The following UGGT2 variants were observed in gnomAD, a reference collection of about 807,000 sequenced individuals.
The protein encoded by UGGT2 is UDP-glucose glycoprotein glucosyltransferase 2.
In UGGT2, 180 loss-of-function variants were observed where a neutral mutation model predicts 192.1. That is an observed-to-expected ratio of 0.94 (90% confidence interval 0.83 to 1.06). The LOEUF is 1.06. Ranked by LOEUF, UGGT2 falls within the 50% of genes least tolerant of loss-of-function variation. The pLI is 0.00. For synonymous variants in UGGT2, 580 were observed against 591.0 expected (o/e 0.98, Z 0.27); for missense variants, 1,849 against 1,795.7 (o/e 1.03, Z -0.54).
At chr13:95,836,650 T>C (rs913267656) in intron 37 of UGGT2, among the ~76,000 whole-genome samples, 5 of 152,202 alleles carry the variant, frequency 3.3e-5, no homozygotes, top group Non-Finnish European at 5.9e-5. Context: ...ACACTGGGGT[T>C]TCTAATAAAT....
chr13:95,846,498 A>G (rs1237959207), intron 36 of UGGT2, among the ~76,000 whole-genome samples: 1 of 152,066 alleles, frequency 6.6e-6, no homozygotes, highest in Non-Finnish European at 1.5e-5. Context: ...TTTGTTAACA[A>G]TTTTTACAAC....
At chr13:95,998,845 T>C (rs1411726248) in intron 6 of UGGT2, among the ~76,000 whole-genome samples, 1 of 152,128 alleles carries the variant, frequency 6.6e-6, no homozygotes. Flanking sequence ...AAAACTTCCT[T>C]ACATGGGCGA....
chr13:95,832,429 A>C (rs752865358), intron 38 of UGGT2, among the ~76,000 whole-genome samples: 16 of 152,164 alleles, frequency 1.1e-4, no homozygotes, highest in Non-Finnish European at 2.1e-4. Flanking sequence ...TCATAAAAGG[A>C]ATTGAAGCAA....
rs1261088371 is a variant in UGGT2 at position 95,859,653 on chromosome 13, G to A, written c.3763C>T (p.Arg1255Cys). Residue 1255 changes from arginine to cysteine, a missense_variant, in exon 33 of 39, where the codon CGT (arginine) becomes TGT (cysteine). Physicochemically the swap from Arg to Cys is radical, Grantham distance 180. Coordinates refer to ENST00000376747, the MANE Select transcript of UGGT2 (RefSeq NM_020121.4). Reference protein sequence around the residue: ...FLRIMMLSVLRNTKTPVKFWL... With the variant: ...FLRIMMLSVLCNTKTPVKFWL... ...AATTTCACTGGTGTTTTGGTGTTAC[G>A]CAAAACAGAAAGCATCATAATTCTG... 5.6e-6 allele frequency: 9 copies of A among 1,608,738 alleles called. No individual in the cohort carries two copies. Among genetic ancestry groups the A allele is most frequent in the Non-Finnish European group, 6.8e-6 (8 of 1,177,188 alleles).
At chr13:95,980,407 G>A (rs1434412972) in intron 10 of UGGT2, among the ~76,000 whole-genome samples, 2 of 151,930 alleles carry the variant, frequency 1.3e-5, no homozygotes, top group Admixed American at 6.6e-5. Flanking sequence ...AAGCTTTGAG[G>A]ATGCAAAGAC....
chr13:95,817,544 G>A (rs991142464), intron 38 of UGGT2, among the ~76,000 whole-genome samples: 8 of 152,090 alleles, frequency 5.3e-5, no homozygotes, highest in Non-Finnish European at 8.8e-5. Flanking sequence ...GATTGCCACT[G>A]CATTCCAGCT....
intron 1 of UGGT2, 90 bp from the exon 2 acceptor site, chr13:96,032,061 A>G: frequency 2.3e-6 from 2 of 854,160 alleles, no homozygotes; most frequent in Non-Finnish European, 3.6e-6. Context: ...AATTATATCT[A>G]TGGCAAAAAC....
chr13:95,970,205 C>A lies in UGGT2; in HGVS notation c.1242G>T (p.Gly414=), dbSNP rs778349705. The A allele has an allele frequency of 1.7e-5, 27 of 1,613,162 alleles. No individual in the cohort carries two copies. The South Asian group carries it at 2.7e-4, about 16-fold the overall frequency. ...ATTTGCTCATATCTTCCCCATTGATCCCAAGATTGCGAAGGCCATTCATCA... is the reference window on the plus strand; with the variant it reads ...ATTTGCTCATATCTTCCCCATTGATACCAAGATTGCGAAGGCCATTCATCA... ...GKMMNGLRNL[G]INGEDMSKFL... Residue 414 remains glycine, a synonymous_variant, in exon 12 of 39, where the codon GGG becomes GGT. Coordinates refer to ENST00000376747, the MANE Select transcript of UGGT2 (RefSeq NM_020121.4).
At chr13:95,848,798 C>T (rs1888728468) in intron 36 of UGGT2, among the ~76,000 whole-genome samples, 1 of 152,066 alleles carries the variant, frequency 6.6e-6, no homozygotes, top group African/African-American at 2.4e-5. Flanking sequence ...AGTAGGTTGA[C>T]AATCATAAAA....
intron 38 of UGGT2, chr13:95,809,258 G>A: frequency 1.7e-6 from 1 of 573,412 alleles, no homozygotes; most frequent in Non-Finnish European, 3.1e-6. Flanking sequence ...CCTCTGAATT[G>A]TACAAGAAGG....
chr13:96,000,825 A>C (rs2051775886), intron 5 of UGGT2, among the ~76,000 whole-genome samples: 1 of 152,012 alleles, frequency 6.6e-6, no homozygotes, highest in Non-Finnish European at 1.5e-5. Context: ...AGTTTTAGTA[A>C]GTTTGGATTT....
Position 95,996,071 on chromosome 13 carries a change from C to A in UGGT2, c.822G>T (p.Gly274=). The A allele has an allele frequency of 6.2e-7, 1 of 1,613,334 alleles. No individual in the cohort carries two copies. ...TTTCCATTCAGACTTACTTTAGTTT[C>A]CCAAAGAGAAATCCTTGAACTTCAT... ...ETNEVQGFLF[G]KLKEIYSDLR... Residue 274 remains glycine, a synonymous_variant, in exon 7 of 39, where the codon GGG becomes GGT. Transcript: ENST00000376747.
chr13:95,877,282 A>C lies in UGGT2; in HGVS notation c.3470T>G (p.Val1157Gly). 2.5e-6 allele frequency: 4 copies of C among 1,591,242 alleles called. No individual in the cohort carries two copies. The highest frequency in any genetic ancestry group is 3.4e-6 in the Non-Finnish European group (4 of 1,171,854). Residue 1157 changes from valine to glycine, a missense_variant, in exon 29 of 39, where the codon GTT becomes GGT. By Grantham distance (109) the Val-to-Gly change is moderately radical. Coordinates refer to ENST00000376747, the MANE Select transcript of UGGT2 (RefSeq NM_020121.4). Reference sequence around the variant, plus strand: ...AAAAGCAGCCTGCATAACTCACCCAACTATTTGATAAATATCTTCAGATTT... The same window carrying C: ...AAAAGCAGCCTGCATAACTCACCCACCTATTTGATAAATATCTTCAGATTT... ...QGKSEDIYQI[V>G]GHEGTDSQAD...
At chr13:95,808,439 C>A (rs1444243255) in intron 38 of UGGT2, among the ~76,000 whole-genome samples, 1 of 151,848 alleles carries the variant, frequency 6.6e-6, no homozygotes, top group East Asian at 1.9e-4. Flanking sequence ...AGGGAAATTT[C>A]ATCTTCATTA....
chr13:95,925,690 A>G lies in UGGT2; in HGVS notation c.2285T>C (p.Leu762Ser). ...TATCTAGGTACTCACCATGTGCTTTAATGCATTAAAAAGAAGTTTTCTCCC... is the reference window on the plus strand; with the variant it reads ...TATCTAGGTACTCACCATGTGCTTTGATGCATTAAAAAGAAGTTTTCTCCC... The part of the protein sequence containing the change: ...PSGRKLLFNA[L>S]KHMKTSVHSR... The change falls in exon 20 of 39, where the codon TTA becomes TCA. Residue 762 changes from leucine (L) to serine (S), a missense_variant. Leu to Ser is a moderately radical substitution (Grantham distance 145). Coordinates refer to ENST00000376747, the MANE Select transcript of UGGT2 (RefSeq NM_020121.4). 1 of 1,556,802 alleles carries G rather than the reference A, an allele frequency of 6.4e-7. No individual in the cohort carries two copies. Among genetic ancestry groups the G allele is most frequent in the Non-Finnish European group, 8.7e-7 (1 of 1,147,800 alleles).
chr13:95,937,646 G>C (rs1029110139), intron 16 of UGGT2, among the ~76,000 whole-genome samples: 1 of 152,156 alleles, frequency 6.6e-6, no homozygotes, highest in Admixed American at 6.5e-5. Flanking sequence ...ACACAGGCAT[G>C]TAGAAGACTC....
intron 10 of UGGT2, among the ~76,000 whole-genome samples, chr13:95,978,729 C>T (rs1320389920): frequency 1.3e-5 from 2 of 152,162 alleles, no homozygotes; most frequent in Non-Finnish European, 2.9e-5. Flanking sequence ...GGTCTAGTTT[C>T]ATTCTTTACG....
intron 29 of UGGT2, among the ~76,000 whole-genome samples, chr13:95,874,369 T>C (rs960051650): frequency 1.3e-5 from 2 of 152,168 alleles, no homozygotes; most frequent in African/African-American, 4.8e-5. Flanking sequence ...TTGCCTTTTG[T>C]GGTCATTATT....
intron 12 of UGGT2, among the ~76,000 whole-genome samples, chr13:95,969,574 A>G (rs1164747233): frequency 6.6e-6 from 1 of 152,262 alleles, no homozygotes; most frequent in African/African-American, 2.4e-5. Flanking sequence ...AAAGGATAGT[A>G]GTGAAAAGAA....
Sources: allele counts gnomAD v4.1 joint callset (sites outside exome capture counted in the v4.1 genomes callset), GRCh38; gene constraint gnomAD v4.1.1; transcripts MANE v1.5; gene names NCBI Gene and HGNC (gene_info 2026-07-23, HGNC 2026-07-21).